The following ZNF184 variants were observed in gnomAD, a reference collection of about 807,000 sequenced individuals.
ZNF184 encodes zinc finger protein 184.
Under a neutral mutation model 54.4 loss-of-function variants are expected in ZNF184, and 16 were observed. The observed-to-expected ratio is 0.29, with a 90% confidence interval of 0.20 to 0.45. The LOEUF is 0.45. ZNF184 is among the 20% of genes least tolerant of loss of function. ZNF184 has a pLI of 1.00. For synonymous variants in ZNF184, 254 were observed against 295.3 expected (o/e 0.86, Z 1.43); for missense variants, 681 against 888.2 (o/e 0.77, Z 2.97).
chr6:27,457,449 T>C, intron 3 of ZNF184, 40 bp from the exon 4 acceptor site: 2 of 1,607,902 alleles, frequency 1.2e-6, no homozygotes, highest in Admixed American at 1.7e-5. Flanking sequence ...CATAAGCATT[T>C]ACTTAGGAAA....
intron 2 of ZNF184, among the ~76,000 whole-genome samples, chr6:27,468,583 G>C (rs1356657300): frequency 6.6e-6 from 1 of 152,134 alleles, no homozygotes; most frequent in Non-Finnish European, 1.5e-5. Flanking sequence ...CTTCACTGCA[G>C]ATTTATTCAT....
At chr6:27,464,377 A>G (rs1763071303) in intron 3 of ZNF184, among the ~76,000 whole-genome samples, 1 of 152,140 alleles carries the variant, frequency 6.6e-6, no homozygotes, top group African/African-American at 2.4e-5. Flanking sequence ...TGGTGGGGGG[A>G]ATGGAAATAC....
At chr6:27,417,016 G>T in the ZNF184 span, among the ~76,000 whole-genome samples, 2 of 152,068 alleles carry the variant, frequency 1.3e-5, no homozygotes, top group African/African-American at 4.8e-5. Flanking sequence ...GGGTTACTTT[G>T]TCTTCTCATT....
chr6:27,448,766 T>A (rs1051132237), downstream of ZNF184, among the ~76,000 whole-genome samples: 7 of 22,284 alleles, frequency 3.1e-4, no homozygotes, highest in Non-Finnish European at 7.7e-4. Flanking sequence ...TGCATTTCCT[T>A]TTTTTTTTTC....
At chr6:27,466,601 A>C (rs368954460) in intron 3 of ZNF184, among the ~76,000 whole-genome samples, 1 of 152,160 alleles carries the variant, frequency 6.6e-6, no homozygotes, top group East Asian at 1.9e-4. Flanking sequence ...GGTTTCATGA[A>C]TGTATACATG....
At chr6:27,463,737 CT>C (rs1763057471) in intron 3 of ZNF184, among the ~76,000 whole-genome samples, 1 of 151,848 alleles carries the variant, frequency 6.6e-6, no homozygotes, top group African/African-American at 2.4e-5. Context: ...ACAACAGTAA[CT>C]TTTTTGTTAG....
the ZNF184 span, among the ~76,000 whole-genome samples, chr6:27,443,332 C>CTTA: frequency 2.0e-5 from 3 of 152,198 alleles, no homozygotes; most frequent in African/African-American, 7.2e-5. Context: ...TCCTCTAAGA[C>CTTA]ACCTGCTATC....
chr6:27,424,236 G>A, the ZNF184 span, among the ~76,000 whole-genome samples: 2 of 152,168 alleles, frequency 1.3e-5, no homozygotes, highest in Non-Finnish European at 2.9e-5. Flanking sequence ...TCTGGTTTCA[G>A]GAATAACGCT....
chr6:27,472,309 C>T lies in ZNF184; in HGVS notation c.-15G>A. ...CTACCTTCCATCTCAGGAGCTCATC[C>T]CGTTCCTCTGGAACTTGAACACCAG... is the stretch of plus-strand genomic sequence containing the variant. On this transcript the variant is annotated 5_prime_UTR_variant, in exon 2 of 6. Transcript: ENST00000683788. This position sits in a 1 kb window ranked among gnomAD's most constrained non-coding sequence, Gnocchi z 4.8. 6.2e-7 allele frequency: 1 copy of T among 1,614,106 alleles called. No individual in the cohort carries two copies. Among genetic ancestry groups the T allele is most frequent in the Non-Finnish European group, 8.5e-7 (1 of 1,179,984 alleles).
At chr6:27,468,500 A>G (rs1449563717) in intron 2 of ZNF184, among the ~76,000 whole-genome samples, 3 of 152,170 alleles carry the variant, frequency 2.0e-5, no homozygotes, top group African/African-American at 4.8e-5. Context: ...TGACTATCCT[A>G]TGACTCAGCA....
At chr6:27,430,853 G>A in the ZNF184 span, among the ~76,000 whole-genome samples, 7 of 152,156 alleles carry the variant, frequency 4.6e-5, no homozygotes, top group South Asian at 4.1e-4. Flanking sequence ...AAAAGTTCGC[G>A]TCCCACTGAC....
rs766996695 is a variant in ZNF184 at position 27,471,519 on chromosome 6, T to G, written c.7+769A>C. ...AATCCGAGTCAAAGGAAGTAGTACA[T>G]TATCCTCTCAGGTACTTTTCAAAGC... On this transcript the variant is annotated intron_variant, in intron 2 of 5. Transcript: ENST00000683788. 4.6e-5 allele frequency among the ~76,000 whole-genome samples: 7 copies of G among 152,336 alleles called. No homozygotes were observed. The East Asian group carries it at 5.8e-4, about 13-fold the overall frequency.
chr6:27,418,387 T>C, the ZNF184 span, among the ~76,000 whole-genome samples: 2 of 152,240 alleles, frequency 1.3e-5, no homozygotes, highest in Admixed American at 6.5e-5. Flanking sequence ...GGCTCCATGA[T>C]GACCATCTCC....
At chr6:27,430,365 C>T in the ZNF184 span, among the ~76,000 whole-genome samples, 1 of 123,704 alleles carries the variant, frequency 8.1e-6, no homozygotes, top group African/African-American at 3.1e-5. Context: ...GGTCTGCTTA[C>T]ACTAACCCCT....
chr6:27,466,358 G>A (rs543470520), intron 3 of ZNF184, among the ~76,000 whole-genome samples: 4 of 152,152 alleles, frequency 2.6e-5, no homozygotes, highest in Non-Finnish European at 4.4e-5. Flanking sequence ...GTTATTTTAC[G>A]CCATCTAAGC....
the ZNF184 span, among the ~76,000 whole-genome samples, chr6:27,424,042 C>T: frequency 1.3e-5 from 2 of 152,124 alleles, no homozygotes; most frequent in African/African-American, 2.4e-5. Flanking sequence ...TCGCGGTGAG[C>T]GTTACAACTC....
rs140533052 is a variant in ZNF184 at position 27,451,631 on chromosome 6, T to G, written c.1928A>C (p.Gln643Pro). ...QKTHTEEKPY[Q>P]CNKCEKTFSQ... is the part of the protein sequence containing the mutation. ...AAAGGTCTTTTCACATTTATTACAC[T>G]GGTAGGGTTTTTCTTCTGTGTGAGT... is the stretch of plus-strand genomic sequence containing the variant. Residue 643 changes from glutamine to proline, a missense_variant, in exon 6 of 6, where the codon CAG becomes CCG. Transcript: ENST00000683788. 3.7e-6 allele frequency: 6 copies of G among 1,614,190 alleles called. No individual in the cohort carries two copies. Among genetic ancestry groups the G allele is most frequent in the African/African-American group, 2.7e-5 (2 of 75,058 alleles).
Position 27,452,036 on chromosome 6 carries a change from C to CCACAT in ZNF184, c.1518_1522dup (p.Gly508AspfsTer152). 6.2e-7 allele frequency: 1 copy of CCACAT among 1,613,998 alleles called. No individual in the cohort carries two copies. The highest frequency in any genetic ancestry group is 8.5e-7 in the Non-Finnish European group (1 of 1,180,006). On this transcript the variant is annotated frameshift_variant, in exon 6 of 6. Transcript: ENST00000683788. LOFTEE classifies it high-confidence loss of function. The surrounding 1 kb of genome is among the most constrained non-coding windows in gnomAD (Gnocchi z 5.5). The stretch of plus-strand genomic sequence containing the variant: ...GTTTGAGAGATAACTGAAAGCCTTT[C>CCACAT]CACATTCACTGCATTCAAAGGGCTT...
At chr6:27,419,576 T>C in the ZNF184 span, among the ~76,000 whole-genome samples, 1 of 142,890 alleles carries the variant, frequency 7.0e-6, no homozygotes, top group Non-Finnish European at 1.5e-5. The surrounding 1 kb of genome is among the most constrained non-coding windows in gnomAD (Gnocchi z 4.8). Flanking sequence ...ATAGATAGAT[T>C]CATAAATAGA....
Sources: gnomAD v4.1 joint callset for allele counts (sites outside exome capture counted in the v4.1 genomes callset) on GRCh38, gnomAD v4.1.1 for gene constraint, Gnocchi (gnomAD v3.1) non-coding constraint, MANE v1.5 for transcripts, NCBI Gene and HGNC (gene_info 2026-07-23, HGNC 2026-07-21) for gene names.